Variants in SCLT1 observed in about 807,000 individuals in gnomAD.
SCLT1 encodes sodium channel and clathrin linker 1, also known as sodium channel-associated protein 1.
Under a neutral mutation model 112.8 loss-of-function variants are expected in SCLT1, and 78 were observed. The observed-to-expected ratio is 0.69, with a 90% CI of 0.58 to 0.83. The LOEUF (loss-of-function observed/expected upper bound fraction) is 0.83. Among genes scored for constraint, SCLT1 ranks in the 40% least tolerant of loss-of-function variants. The probability of loss-of-function intolerance (pLI) is 0.00; values close to 1 mark genes in which losing one functional copy is unlikely to be tolerated. For synonymous variants in SCLT1, 257 were observed against 254.7 expected (o/e 1.01, Z -0.09); for missense variants, 747 against 770.4 (o/e 0.97, Z 0.36).
At chr4:128,909,029 C>T (rs1734899609) in intron 18 of SCLT1, among the ~76,000 whole-genome samples, 1 of 152,076 alleles carries the variant, frequency 6.6e-6, no homozygotes, top group Non-Finnish European at 1.5e-5. Context: ...ATCACTATTG[C>T]CTCATTTTGC....
chr4:128,998,702 A>G (rs1743212555), intron 7 of SCLT1, among the ~76,000 whole-genome samples: 1 of 151,904 alleles, frequency 6.6e-6, no homozygotes. Context: ...TAAAAGTCCA[A>G]CAAATCAGAT....
chr4:128,954,002 A>C (rs1405146026), intron 13 of SCLT1, among the ~76,000 whole-genome samples: 1 of 152,100 alleles, frequency 6.6e-6, no homozygotes, highest in African/African-American at 2.4e-5. Flanking sequence ...AAAGAAGACT[A>C]TTAATGTGCA....
intron 2 of SCLT1, among the ~76,000 whole-genome samples, chr4:129,062,934 T>C (rs1750122540): frequency 6.6e-6 from 1 of 152,230 alleles, no homozygotes; most frequent in East Asian, 1.9e-4. Flanking sequence ...CTCCCAAGAT[T>C]TGGGAATTTT....
chr4:129,089,250 G>GA lies in SCLT1; in HGVS notation c.34+3819dup, dbSNP rs779688057. On this transcript the variant is annotated intron_variant, in intron 1 of 20. Transcript: ENST00000281142. ...ATATTTATGCAGCCAACAAACACAT[G>GA]AAAAAATGCTCATCATCACTGGTTA... Among the ~76,000 whole-genome samples, 52 of 152,224 alleles carry GA rather than the reference G, an allele frequency of 3.4e-4. 1 individual carries two copies. The highest frequency in any genetic ancestry group is 1.2e-3 in the African/African-American group (50 of 41,546).
intron 5 of SCLT1, chr4:129,036,792 G>T (rs1275741677): frequency 1.3e-5 from 2 of 151,402 alleles, no homozygotes; most frequent in Non-Finnish European, 3.0e-5. Context: ...TTTAAATATA[G>T]CTACACTAAA....
chr4:129,057,179 C>G (rs1214083279), intron 2 of SCLT1, among the ~76,000 whole-genome samples: 2 of 152,066 alleles, frequency 1.3e-5, no homozygotes, highest in African/African-American at 4.8e-5. Context: ...ATCTCTTGAT[C>G]CCACTTGATA....
chr4:128,877,693 AG>A (rs1732552380), intron 3 of SCLT1, among the ~76,000 whole-genome samples: 1 of 152,138 alleles, frequency 6.6e-6, no homozygotes, highest in South Asian at 2.1e-4. Flanking sequence ...AAAAAAAAAA[AG>A]TTCACACAAA....
intron 8 of SCLT1, among the ~76,000 whole-genome samples, chr4:128,993,527 G>T (rs1742753144): frequency 6.6e-6 from 1 of 151,982 alleles, no homozygotes; most frequent in African/African-American, 2.4e-5. Context: ...TGGAAACCAA[G>T]GTGCTTAACT....
At chr4:128,942,031 C>G (rs1329829722) in intron 17 of SCLT1, among the ~76,000 whole-genome samples, 1 of 152,026 alleles carries the variant, frequency 6.6e-6, no homozygotes, top group African/African-American at 2.4e-5. Context: ...AACACATTGT[C>G]TAAATTATTT....
intron 18 of SCLT1, among the ~76,000 whole-genome samples, chr4:128,925,297 T>C (rs1026440861): frequency 6.6e-6 from 1 of 152,108 alleles, no homozygotes; most frequent in Admixed American, 6.5e-5. Flanking sequence ...CAGTAGTAGA[T>C]AACTACACAA....
At position 128,937,272 on chromosome 4, in the gene SCLT1, T is replaced by C. The variant is rs575667116; in HGVS notation, c.1633-421A>G. 7.9e-5 allele frequency among the ~76,000 whole-genome samples: 7 copies of C among 88,784 alleles called. No homozygotes were observed. The South Asian group carries it at 2.8e-3, about 36-fold the overall frequency. The allele number at this position is 88,784 out of a possible 152,430, so 58.2% of individuals were successfully genotyped here. A position where few individuals can be genotyped will look rare whatever the true frequency, so the allele number is the denominator to read the frequency against. On this transcript the variant is annotated intron_variant, in intron 17 of 20. Coordinates refer to ENST00000281142, the MANE Select transcript of SCLT1 (RefSeq NM_144643.4). ...CAGCCTGGGTGACAGAGTAAGACTC[T>C]GTCTCAAAAAAAAAAAAAAAGAAAA... is the stretch of plus-strand genomic sequence containing the variant.
chr4:129,027,977 A>C (rs1219326525), intron 5 of SCLT1, among the ~76,000 whole-genome samples: 2 of 152,194 alleles, frequency 1.3e-5, no homozygotes. Context: ...AAGGGACGGG[A>C]AGGACCTCTT....
intron 13 of SCLT1, among the ~76,000 whole-genome samples, chr4:128,956,261 C>A (rs1294159478): frequency 6.6e-6 from 1 of 151,720 alleles, no homozygotes; most frequent in African/African-American, 2.4e-5. Flanking sequence ...ATGCTCATAC[C>A]AAGAATACTT....
Position 128,949,136 on chromosome 4 carries a change from C to CA in SCLT1, c.1219-567dup, listed in dbSNP as rs562626593. 1.0e-4 allele frequency among the ~76,000 whole-genome samples: 15 copies of CA among 147,154 alleles called. No individual in the cohort carries two copies. The South Asian group carries it at 2.8e-3, about 27-fold the overall frequency. ...TAACATTTTGCTAATGCACCTAAAA[C>CA]AAAAAAATCATAATTATTAGTTCTT... On this transcript the variant is annotated intron_variant, in intron 14 of 20. Coordinates refer to ENST00000281142, the MANE Select transcript of SCLT1 (RefSeq NM_144643.4).
intron 18 of SCLT1, among the ~76,000 whole-genome samples, chr4:128,922,406 C>A (rs577071691): frequency 6.6e-6 from 1 of 152,116 alleles, no homozygotes; most frequent in African/African-American, 2.4e-5. Context: ...AACTTAAATG[C>A]CCATCAATGG....
intron 1 of SCLT1, among the ~76,000 whole-genome samples, chr4:129,088,526 G>A (rs1026786207): frequency 6.6e-6 from 1 of 151,992 alleles, no homozygotes; most frequent in Admixed American, 6.6e-5. Flanking sequence ...ACTGCAATAA[G>A]GTGAGAAAAA....
intron 18 of SCLT1, among the ~76,000 whole-genome samples, chr4:128,903,515 C>T (rs1734479216): frequency 6.6e-6 from 1 of 151,986 alleles, no homozygotes; most frequent in Non-Finnish European, 1.5e-5. Flanking sequence ...TCAAGATTTA[C>T]TGAGGAATTT....
At position 128,946,068 on chromosome 4, in the gene SCLT1, T is replaced by C. The variant is rs1224645259; in HGVS notation, c.1378A>G (p.Lys460Glu). ...HQRFLVSERS[K>E]DDLQLRLTRA... ...GTAAGTCTTAGCTGAAGATCATCTT[T>C]TGAACGCTCTGAAACCAGGAATCTT... The change falls in exon 16 of 21, where the codon AAA becomes GAA. Residue 460 changes from lysine to glutamate, a missense_variant. By Grantham distance (56) the Lys-to-Glu change is moderately conservative (BLOSUM62 1). This residue lies in a region of SCLT1 where 723 missense variants were observed against 721.3 expected (regional missense o/e 1.00). Transcript: ENST00000281142. 3 of 1,610,672 alleles carry C rather than the reference T, an allele frequency of 1.9e-6. No individual in the cohort carries two copies. Among genetic ancestry groups the C allele is most frequent in the Non-Finnish European group, 2.5e-6 (3 of 1,177,230 alleles).
chr4:128,949,634 G>GT (rs1389878540), intron 14 of SCLT1, among the ~76,000 whole-genome samples: 6 of 151,908 alleles, frequency 3.9e-5, no homozygotes, highest in Non-Finnish European at 7.4e-5. Context: ...GCGGTGTTTG[G>GT]TTTTTTGTCC....
Sources: gnomAD v4.1 joint callset for allele counts (sites outside exome capture counted in the v4.1 genomes callset) on GRCh38, gnomAD v4.1.1 for gene constraint, gnomAD v4.1.1 regional missense constraint, MANE v1.5 for transcripts, NCBI Gene and HGNC (gene_info 2026-07-23, HGNC 2026-07-21) for gene names.